Variants in CDC42BPB observed in about 807,000 individuals in gnomAD.
The protein encoded by CDC42BPB is CDC42 binding protein kinase beta, also known as serine/threonine-protein kinase MRCK beta.
Under a neutral mutation model 214.9 loss-of-function variants are expected in CDC42BPB, and 37 were observed. The ratio of observed to expected loss-of-function variants is 0.17; its 90% CI spans 0.13 to 0.23. CDC42BPB has a LOEUF of 0.23. CDC42BPB is among the 10% of genes least tolerant of loss of function. The pLI is 1.00. For missense variants in CDC42BPB, 1,694 were observed against 2,227.0 expected (o/e 0.76, Z 4.82); for synonymous variants, 931 against 884.0 (o/e 1.05, Z -0.94).
Position 102,944,068 on chromosome 14 carries a change from G to A in CDC42BPB, c.4231C>T (p.Pro1411Ser), listed in dbSNP as rs145737227. Reference sequence around the variant, plus strand: ...AGGAACGCAAGCGAGGGGTCATTGGGATTTACCAGGTTTAGAGGCTGCCCG... The same window carrying A: ...AGGAACGCAAGCGAGGGGTCATTGGAATTTACCAGGTTTAGAGGCTGCCCG... ...GDGQPLNLVN[P>S]NDPSLAFLSQ... is the part of the protein sequence containing the mutation. Residue 1411 changes from proline (P) to serine (S), a missense_variant, in exon 30 of 37, where the codon CCC (proline) becomes TCC (serine). By Grantham distance (74) the Pro-to-Ser change is moderately conservative. Coordinates refer to ENST00000361246, the MANE Select transcript of CDC42BPB (RefSeq NM_006035.4). This position sits in a 1 kb window ranked among gnomAD's most constrained non-coding sequence, Gnocchi z 6.6. 975 of 1,613,590 alleles carry A rather than the reference G, an allele frequency of 6.0e-4. 3 individuals are homozygous for A. The African/African-American group carries it at 0.011, about 19-fold the overall frequency.
At chr14:103,023,561 C>T (rs777852497) in intron 1 of CDC42BPB, among the ~76,000 whole-genome samples, 6 of 152,144 alleles carry the variant, frequency 3.9e-5, no homozygotes, top group Non-Finnish European at 8.8e-5. Flanking sequence ...CCCACCTTGG[C>T]CTTCCAAAGT....
At chr14:102,976,093 A>G in intron 9 of CDC42BPB, 44 bp from the exon 10 acceptor site, 1 of 1,596,824 alleles carries the variant, frequency 6.3e-7, no homozygotes, top group Non-Finnish European at 8.6e-7. Flanking sequence ...CTGAAAATTT[A>G]GCGATTTCAT....
chr14:103,026,553 A>G (rs1887065164), intron 1 of CDC42BPB, among the ~76,000 whole-genome samples: 1 of 151,600 alleles, frequency 6.6e-6, no homozygotes, highest in African/African-American at 2.4e-5. Flanking sequence ...GAACAAAAAA[A>G]TGTTCAAAAG....
At chr14:103,041,065 G>A (rs894986894) in intron 1 of CDC42BPB, among the ~76,000 whole-genome samples, 1 of 152,154 alleles carries the variant, frequency 6.6e-6, no homozygotes, top group African/African-American at 2.4e-5. Flanking sequence ...TGTGGTACTG[G>A]CATAAGAAGA....
At chr14:103,035,871 C>T (rs979336796) in intron 1 of CDC42BPB, among the ~76,000 whole-genome samples, 12 of 151,282 alleles carry the variant, frequency 7.9e-5, no homozygotes, top group African/African-American at 2.7e-4. Context: ...AAAATAAGGC[C>T]GGGCACAGTG....
chr14:102,983,526 C>A (rs866228969), intron 7 of CDC42BPB, 30 bp downstream of exon 7: 3,049 of 1,511,788 alleles, frequency 2.0e-3, no homozygotes, highest in Non-Finnish European at 2.2e-3. Flanking sequence ...AGCCAGGTAC[C>A]AAAAAAAAAA....
intron 5 of CDC42BPB, among the ~76,000 whole-genome samples, chr14:102,987,794 C>CAA (rs970671056): frequency 6.0e-5 from 9 of 149,268 alleles, no homozygotes; most frequent in African/African-American, 2.3e-4. Context: ...CACAAACACA[C>CAA]ACACACACAC....
At chr14:102,983,296 C>T (rs1894088449) in intron 7 of CDC42BPB, among the ~76,000 whole-genome samples, 1 of 152,142 alleles carries the variant, frequency 6.6e-6, no homozygotes, top group African/African-American at 2.4e-5. Context: ...GCGTCCTTCC[C>T]CTGAGAGTGG....
chr14:103,041,769 G>T, intron 1 of CDC42BPB: 1 of 495,848 alleles, frequency 2.0e-6, no homozygotes. Context: ...ATCCAAGGAG[G>T]CAGTACGAGT....
At chr14:103,008,095 G>A (rs774295258) in intron 3 of CDC42BPB, among the ~76,000 whole-genome samples, 1 of 152,240 alleles carries the variant, frequency 6.6e-6, no homozygotes, top group Non-Finnish European at 1.5e-5. Context: ...GATCCTCTAG[G>A]TGGGAATCTA....
rs763284665 is a variant in CDC42BPB, at chr14:102,983,760, A to C, written c.691-4T>G. On this transcript the variant is annotated splice_region_variant and splice_polypyrimidine_tract_variant and intron_variant, in intron 6 of 36. Coordinates refer to ENST00000361246, the MANE Select transcript of CDC42BPB (RefSeq NM_006035.4). ...CCACGGCCACGGAGGACTGCACCTT[A>C]GGGGAGAAGGAGGTGCTGAAGGAAA... 6.2e-7 allele frequency: 1 copy of C among 1,611,582 alleles called. No individual in the cohort carries two copies. Among genetic ancestry groups the C allele is most frequent in the Non-Finnish European group, 8.5e-7 (1 of 1,179,870 alleles).
intron 6 of CDC42BPB, 197 bp from the exon 7 acceptor site, chr14:102,983,953 G>A (rs992456712): frequency 3.1e-6 from 3 of 952,552 alleles, no homozygotes; most frequent in Non-Finnish European, 3.8e-6. Flanking sequence ...TACTTGGGAG[G>A]CTGAGGCCGG....
At chr14:103,008,325 C>T in intron 3 of CDC42BPB, 147 bp downstream of exon 3, 1 of 597,142 alleles carries the variant, frequency 1.7e-6, no homozygotes, top group Non-Finnish European at 3.0e-6. Context: ...GAGACTGAGA[C>T]CTCCTCAAAA....
At chr14:102,941,999 C>T (rs550784543) in intron 30 of CDC42BPB, among the ~76,000 whole-genome samples, 15 of 152,248 alleles carry the variant, frequency 9.9e-5, no homozygotes, top group African/African-American at 1.4e-4. Flanking sequence ...CAGGTGTCTA[C>T]GCCAGACACG....
chr14:103,057,151 T>C lies in CDC42BPB; in HGVS notation c.23A>G (p.Lys8Arg), dbSNP rs1335725420. The change falls in exon 1 of 37, where the codon AAG (lysine) becomes AGG (arginine). Residue 8 changes from lysine to arginine, a missense_variant. By Grantham distance (26) the Lys-to-Arg change is conservative. This residue lies in a region of CDC42BPB where 83 missense variants were observed against 79.9 expected (regional missense o/e 1.04). Coordinates refer to ENST00000361246, the MANE Select transcript of CDC42BPB (RefSeq NM_006035.4). Reference sequence around the variant, plus strand: ...GTCCAGGAGCAGCTGCTCCAGCTTCTTGAGCCGCACCTTGGCCGACATGGT... The same window carrying C: ...GTCCAGGAGCAGCTGCTCCAGCTTCCTGAGCCGCACCTTGGCCGACATGGT... MSAKVRL[K>R]KLEQLLLDGP... The C allele has an allele frequency of 1.3e-6, 2 of 1,491,948 alleles. No individual in the cohort carries two copies. The highest frequency in any genetic ancestry group is 1.3e-5 in the South Asian group (1 of 79,194). 92.4% of individuals were successfully genotyped at this position (1,491,948 alleles called of 1,614,324 possible).
At chr14:103,041,821 C>A in intron 1 of CDC42BPB, 1 of 411,610 alleles carries the variant, frequency 2.4e-6, no homozygotes, top group South Asian at 2.3e-5. Flanking sequence ...GCTGAAGGAG[C>A]ACCACTCCAA....
At chr14:102,981,044 C>T (rs762832881) in intron 7 of CDC42BPB, 23 bp from the exon 8 acceptor site, 14 of 1,613,518 alleles carry the variant, frequency 8.7e-6, no homozygotes, top group East Asian at 2.2e-5. Flanking sequence ...GCAAAAACAC[C>T]GGTGGACAGG....
intron 5 of CDC42BPB, among the ~76,000 whole-genome samples, chr14:102,998,370 T>C (rs1314036237): frequency 6.6e-6 from 1 of 152,218 alleles, no homozygotes; most frequent in Non-Finnish European, 1.5e-5. Flanking sequence ...TTACAATAGT[T>C]ACCTGACCAA....
chr14:102,989,201 G>T (rs888850126), intron 5 of CDC42BPB, among the ~76,000 whole-genome samples: 2 of 152,140 alleles, frequency 1.3e-5, no homozygotes, highest in Non-Finnish European at 2.9e-5. Context: ...AACTACAATT[G>T]TGTACCACCT....
Sources: gnomAD v4.1 joint callset for allele counts (sites outside exome capture counted in the v4.1 genomes callset) on GRCh38, gnomAD v4.1.1 for gene constraint, gnomAD v4.1.1 regional missense constraint, Gnocchi (gnomAD v3.1) non-coding constraint, MANE v1.5 for transcripts, NCBI Gene and HGNC (gene_info 2026-07-23, HGNC 2026-07-21) for gene names.